WNK2: variants seen among roughly 807,000 people sequenced by gnomAD.
WNK2 encodes serine/threonine-protein kinase WNK2.
A neutral mutation model predicts 192.1 loss-of-function variants in WNK2; 67 were observed. The observed-to-expected ratio is 0.35, with a 90% confidence interval of 0.29 to 0.43. WNK2 has a LOEUF of 0.43. Ranked by LOEUF, WNK2 falls within the 20% of genes least tolerant of loss-of-function variation. WNK2 has a pLI of 1.00. For synonymous variants in WNK2, 1,439 were observed against 1,393.9 expected (o/e 1.03, Z -0.72); for missense variants, 2,698 against 3,089.7 (o/e 0.87, Z 3.01).
In WNK2 at chr9:93,292,775, A is replaced by G. The variant is rs773678107; in HGVS notation, c.5310A>G (p.Pro1770=). 6.4e-7 allele frequency: 1 copy of G among 1,557,730 alleles called. No individual in the cohort carries two copies. The highest frequency in any genetic ancestry group is 8.7e-7 in the Non-Finnish European group (1 of 1,152,510). ...CCCACAGCCTGAGATACTCTGCCCCACCCGACGTCTACCTGGACGAGGCCC... is the reference window on the plus strand; with the variant it reads ...CCCACAGCCTGAGATACTCTGCCCCGCCCGACGTCTACCTGGACGAGGCCC... The part of the protein sequence containing the change: ...ASPHSLRYSA[P]PDVYLDEAPS... The change falls in exon 23 of 30, where the codon CCA becomes CCG. Residue 1770 remains proline (P), a synonymous_variant. Transcript: ENST00000427277.
chr9:93,308,667 G>A, intron 28 of WNK2, 83 bp downstream of exon 28: 1 of 1,422,532 alleles, frequency 7.0e-7, no homozygotes, highest in Non-Finnish European at 9.4e-7. Flanking sequence ...GTGTGGCAGA[G>A]GGGTGTCCAG....
At chr9:93,194,993 T>C (rs1830982030) in intron 2 of WNK2, among the ~76,000 whole-genome samples, 1 of 150,296 alleles carries the variant, frequency 6.7e-6, no homozygotes, top group South Asian at 2.1e-4. Flanking sequence ...GATGACATTC[T>C]GGAAAAGACG....
At chr9:93,274,294 C>T (rs1846415319) in intron 19 of WNK2, among the ~76,000 whole-genome samples, 2 of 152,200 alleles carry the variant, frequency 1.3e-5, no homozygotes, top group Admixed American at 6.5e-5. Flanking sequence ...GGGTGGATCA[C>T]GACGTCAGGA....
intron 27 of WNK2, chr9:93,307,349 G>T (rs1852769470): frequency 1.3e-5 from 2 of 153,200 alleles, no homozygotes; most frequent in South Asian, 4.1e-4. Flanking sequence ...GTCTGTGTCT[G>T]TGCTTTTTCA....
chr9:93,229,899 G>C lies in WNK2; in HGVS notation c.854+31G>C. ...CTCCGCTTCCTGAGGGCTGGGGCGGGTCCTGGCATGGGTGCAGGGCTACCA... is the reference window on the plus strand; with the variant it reads ...CTCCGCTTCCTGAGGGCTGGGGCGGCTCCTGGCATGGGTGCAGGGCTACCA... On this transcript the variant is annotated intron_variant, in intron 3 of 29. Coordinates refer to ENST00000427277, the MANE Select transcript of WNK2 (RefSeq NM_006648.4). The surrounding 1 kb of genome is among the most constrained non-coding windows in gnomAD (Gnocchi z 4.9). 6.2e-7 allele frequency: 1 copy of C among 1,605,276 alleles called. No homozygotes were observed. The highest frequency in any genetic ancestry group is 1.1e-5 in the South Asian group (1 of 90,316).
At chr9:93,218,587 A>C (rs1836211495) in intron 2 of WNK2, among the ~76,000 whole-genome samples, 1 of 152,098 alleles carries the variant, frequency 6.6e-6, no homozygotes, top group African/African-American at 2.4e-5. Flanking sequence ...TTTTCATTTC[A>C]TCCTGGGGTG....
At chr9:93,298,604 C>T (rs535376741) in intron 24 of WNK2, among the ~76,000 whole-genome samples, 19 of 152,328 alleles carry the variant, frequency 1.2e-4, no homozygotes, top group African/African-American at 4.6e-4. Flanking sequence ...AGCAGCACTG[C>T]AGCCTGCTTG....
At chr9:93,264,987 CAT>C (rs1844922416) in intron 16 of WNK2, among the ~76,000 whole-genome samples, 1 of 152,370 alleles carries the variant, frequency 6.6e-6, no homozygotes, top group African/African-American at 2.4e-5. Flanking sequence ...GTGAAAGCCT[CAT>C]GTGGGCTTTG....
chr9:93,271,479 TTATAAA>T (rs1053192353), intron 19 of WNK2, among the ~76,000 whole-genome samples: 7 of 152,214 alleles, frequency 4.6e-5, no homozygotes, highest in Admixed American at 2.0e-4. Flanking sequence ...AAAGCAACTG[TTATAAA>T]TATAACTGAA....
chr9:93,232,927 G>A (rs1588073446), intron 4 of WNK2, among the ~76,000 whole-genome samples: 1 of 121,820 alleles, frequency 8.2e-6, no homozygotes, highest in African/African-American at 3.1e-5. Flanking sequence ...AGGGGTTCGA[G>A]GCTAGTCTAG....
At chr9:93,317,661 C>A (rs781685244) in intron 29 of WNK2, 30 bp downstream of exon 29, 2 of 1,603,038 alleles carry the variant, frequency 1.2e-6, no homozygotes, top group Middle Eastern at 1.7e-4. Flanking sequence ...CCCAACCCCA[C>A]CCTGTGCGCT....
At chr9:93,220,497 C>T (rs1340075652) in intron 2 of WNK2, among the ~76,000 whole-genome samples, 5 of 152,084 alleles carry the variant, frequency 3.3e-5, no homozygotes, top group Non-Finnish European at 1.5e-5. Context: ...GGGATGGGGC[C>T]CAGTGAGGTA....
chr9:93,238,431 A>G, intron 6 of WNK2, 110 bp downstream of exon 6: 1 of 1,069,456 alleles, frequency 9.4e-7, no homozygotes, highest in Non-Finnish European at 1.4e-6. Context: ...AGGCAGGCTC[A>G]GGCCAGGGTG....
intron 2 of WNK2, among the ~76,000 whole-genome samples, chr9:93,216,228 C>T (rs1005819952): frequency 6.6e-6 from 1 of 152,178 alleles, no homozygotes; most frequent in African/African-American, 2.4e-5. Flanking sequence ...TGCTTCTCTG[C>T]TTTTAGTCTA....
At chr9:93,295,402 G>C (rs553403151) in intron 23 of WNK2, among the ~76,000 whole-genome samples, 86 of 152,028 alleles carry the variant, frequency 5.7e-4, no homozygotes, top group Admixed American at 2.5e-3. Context: ...GCCATTCAGA[G>C]TTTTATTTTT....
At chr9:93,233,062 A>G (rs1416253059) in intron 4 of WNK2, among the ~76,000 whole-genome samples, 1 of 151,608 alleles carries the variant, frequency 6.6e-6, no homozygotes, top group Non-Finnish European at 1.5e-5. Context: ...TTGGCCCGGC[A>G]TGGTGAACAC....
intron 2 of WNK2, among the ~76,000 whole-genome samples, chr9:93,203,699 G>T (rs1832883908): frequency 6.6e-6 from 1 of 152,190 alleles, no homozygotes; most frequent in African/African-American, 2.4e-5. Context: ...TAAGTGGGAG[G>T]CAGGAGCTTC....
intron 2 of WNK2, among the ~76,000 whole-genome samples, chr9:93,208,759 G>T (rs1250340274): frequency 0.022 from 5 of 232 alleles, no homozygotes; most frequent in Admixed American, 0.17. Context: ...GTGTGCGCAT[G>T]TCCTCCGTGT....
At chr9:93,308,037 T>G in intron 27 of WNK2, 1 of 472,928 alleles carries the variant, frequency 2.1e-6, no homozygotes, top group East Asian at 3.7e-5. Flanking sequence ...TGGGCAGCGG[T>G]GGGCACAGAG....
Sources: gnomAD v4.1 joint callset for allele counts (sites outside exome capture counted in the v4.1 genomes callset) on GRCh38, gnomAD v4.1.1 for gene constraint, Gnocchi (gnomAD v3.1) non-coding constraint, MANE v1.5 for transcripts, NCBI Gene and HGNC (gene_info 2026-07-23, HGNC 2026-07-21) for gene names.